CFAP97: variants seen among roughly 807,000 people sequenced by gnomAD.
CFAP97 encodes the protein cilia- and flagella-associated protein 97.
CFAP97 carries 36 observed loss-of-function variants against 43.1 expected under a neutral mutation model. That is an observed-to-expected ratio of 0.84 (90% CI 0.64 to 1.10). CFAP97 has a LOEUF of 1.10. Among genes scored for constraint, CFAP97 ranks in the 50% least tolerant of loss-of-function variants. The pLI is 0.00. For missense variants in CFAP97, 657 were observed against 620.3 expected (o/e 1.06, Z -0.63); for synonymous variants, 228 against 225.7 (o/e 1.01, Z -0.09).
At position 185,191,215 on chromosome 4, in the gene CFAP97, G is replaced by GA. The variant is rs34825796; in HGVS notation, c.-16-4dup. 697,995 of 1,369,820 alleles carry GA rather than the reference G, an allele frequency of 0.51. 167,369 individuals carry two copies. The highest frequency in any genetic ancestry group is 0.61 in the East Asian group (24,913 of 40,674). 84.9% of individuals were successfully genotyped at this position (1,369,820 alleles called of 1,614,324 possible). On this transcript the variant is annotated splice_region_variant and splice_polypyrimidine_tract_variant and intron_variant, in intron 1 of 4. Coordinates refer to ENST00000458385, the MANE Select transcript of CFAP97 (RefSeq NM_020827.3). ...GATCCATGATGGCAAAAATATATCT[G>GA]AAAAAAAAATGTAAACATCAGACTA...
intron 3 of CFAP97, among the ~76,000 whole-genome samples, chr4:185,165,979 CA>C (rs1735054806): frequency 6.6e-6 from 1 of 152,162 alleles, no homozygotes; most frequent in African/African-American, 2.4e-5. Context: ...GGCTTGGAGG[CA>C]AACAGCAGAG....
chr4:185,205,308 G>C (rs112396897), upstream of CFAP97, among the ~76,000 whole-genome samples: 19,393 of 152,146 alleles, frequency 0.13, 1,316 homozygotes, highest in African/African-American at 0.15. Flanking sequence ...ACAAAAATTA[G>C]CTGGGCGTGG....
At chr4:185,203,392 T>C (rs1181456384) in intron 1 of CFAP97, among the ~76,000 whole-genome samples, 1 of 152,130 alleles carries the variant, frequency 6.6e-6, no homozygotes, top group Non-Finnish European at 1.5e-5. Flanking sequence ...TGACAATACA[T>C]TTCTGTAGTT....
chr4:185,165,212 C>T (rs1431796645), intron 3 of CFAP97, among the ~76,000 whole-genome samples: 2 of 152,176 alleles, frequency 1.3e-5, no homozygotes, highest in African/African-American at 4.8e-5. Flanking sequence ...CTTTGGGGAG[C>T]CCGGGGCGGG....
chr4:185,185,632 C>T (rs548102380), intron 2 of CFAP97, among the ~76,000 whole-genome samples: 7 of 125,140 alleles, frequency 5.6e-5, no homozygotes, highest in Admixed American at 1.7e-4. Context: ...AATTTGCCAA[C>T]CTTTTTTTTT....
chr4:185,179,627 C>T (rs1425866894), intron 2 of CFAP97, among the ~76,000 whole-genome samples: 1 of 152,184 alleles, frequency 6.6e-6, no homozygotes. Flanking sequence ...GGCCTTCAGG[C>T]TGTACCAAGC....
At chr4:185,193,594 C>T (rs1054456243) in intron 1 of CFAP97, among the ~76,000 whole-genome samples, 1 of 151,820 alleles carries the variant, frequency 6.6e-6, no homozygotes, top group Non-Finnish European at 1.5e-5. Context: ...TGCAGTGCGC[C>T]GCGATCACGC....
intron 3 of CFAP97, among the ~76,000 whole-genome samples, chr4:185,171,585 ACTT>A (rs1232164775): frequency 2.6e-5 from 4 of 152,014 alleles, no homozygotes; most frequent in Non-Finnish European, 4.4e-5. Context: ...AAATAATCTC[ACTT>A]CTTCTTAGAG....
chr4:185,168,951 A>G (rs551260243), intron 3 of CFAP97: 2 of 152,140 alleles, frequency 1.3e-5, no homozygotes, highest in Non-Finnish European at 2.9e-5. Flanking sequence ...GTAATTATGT[A>G]TATTAACGTA....
chr4:185,193,066 C>T (rs1316095960), intron 1 of CFAP97, among the ~76,000 whole-genome samples: 1 of 151,962 alleles, frequency 6.6e-6, no homozygotes, highest in African/African-American at 2.4e-5. Context: ...ATACTATTCT[C>T]CACTAAAAAA....
chr4:185,174,247 T>A (rs8180154), intron 3 of CFAP97, among the ~76,000 whole-genome samples: 83,059 of 152,120 alleles, frequency 0.55, 23,297 homozygotes, highest in African/African-American at 0.69. Flanking sequence ...AGTAATCCCA[T>A]ATGTTTTTGA....
chr4:185,185,458 G>A (rs879527538), intron 2 of CFAP97, among the ~76,000 whole-genome samples: 1 of 152,050 alleles, frequency 6.6e-6, no homozygotes, highest in Admixed American at 6.6e-5. Flanking sequence ...AAGGAAAACA[G>A]TTGACAGTAT....
Position 185,203,957 on chromosome 4 carries a change from A to G in CFAP97, c.-76T>C, listed in dbSNP as rs1427713021. 6.6e-6 allele frequency: 1 copy of G among 151,080 alleles called. No individual in the cohort carries two copies. The highest frequency in any genetic ancestry group is 1.5e-5 in the Non-Finnish European group (1 of 67,718). 9.4% of individuals were successfully genotyped at this position (151,080 alleles called of 1,614,324 possible). A position where few individuals can be genotyped will look rare whatever the true frequency, so the allele number is the denominator to read the frequency against. On this transcript the variant is annotated 5_prime_UTR_variant, in exon 1 of 5. Transcript: ENST00000458385. ...CGCTGGCGCACTCCCGCGGCCCTGAACGGGCTCCCGGCGCCGCGCGCCCGC... is the reference window on the plus strand; with the variant it reads ...CGCTGGCGCACTCCCGCGGCCCTGAGCGGGCTCCCGGCGCCGCGCGCCCGC...
chr4:185,177,647 C>A (rs1735605476), intron 2 of CFAP97, among the ~76,000 whole-genome samples: 1 of 151,992 alleles, frequency 6.6e-6, no homozygotes, highest in Non-Finnish European at 1.5e-5. Flanking sequence ...CCAGCCTGGC[C>A]AACATGGCAA....
chr4:185,201,825 C>T (rs2111430013), intron 1 of CFAP97, among the ~76,000 whole-genome samples: 1 of 152,296 alleles, frequency 6.6e-6, no homozygotes, highest in East Asian at 1.9e-4. Flanking sequence ...AGGTCTAACC[C>T]TCCACCTGGT....
At chr4:185,208,538 G>A (rs937918624), upstream of CFAP97, among the ~76,000 whole-genome samples, 1 of 151,702 alleles carries the variant, frequency 6.6e-6, no homozygotes, top group Non-Finnish European at 1.5e-5. Flanking sequence ...GACCATCCTG[G>A]CTAATATGGT....
At chr4:185,180,335 T>C (rs1001438007) in intron 2 of CFAP97, among the ~76,000 whole-genome samples, 2 of 152,112 alleles carry the variant, frequency 1.3e-5, no homozygotes, top group Non-Finnish European at 2.9e-5. Flanking sequence ...ACCGAATACA[T>C]TCATATTGTG....
At chr4:185,180,740 A>G (rs1328389124) in intron 2 of CFAP97, among the ~76,000 whole-genome samples, 1 of 151,600 alleles carries the variant, frequency 6.6e-6, no homozygotes, top group Non-Finnish European at 1.5e-5. Context: ...GTTTTTTCTC[A>G]TTCTTTTCTA....
chr4:185,190,347 G>C lies in CFAP97; in HGVS notation c.850C>G (p.Gln284Glu). 2 of 1,604,168 alleles carry C rather than the reference G, an allele frequency of 1.2e-6. No individual in the cohort carries two copies. Among genetic ancestry groups the C allele is most frequent in the East Asian group, 2.2e-5 (1 of 44,734 alleles). The stretch of plus-strand genomic sequence containing the variant: ...TATATTTCTTGGCTCACATTTTCTT[G>C]CTTTTTAATTTTCACTTTTTGATCA... ...ANDQKVKIKK[Q>E]ENVSQEIYED... Residue 284 changes from glutamine to glutamate, a missense_variant, in exon 2 of 5, where the codon CAA becomes GAA. By Grantham distance (29) the Gln-to-Glu change is conservative. Coordinates refer to ENST00000458385, the MANE Select transcript of CFAP97 (RefSeq NM_020827.3).
Sources: gnomAD v4.1 joint callset for allele counts (sites outside exome capture counted in the v4.1 genomes callset) on GRCh38, gnomAD v4.1.1 for gene constraint, MANE v1.5 for transcripts, NCBI Gene and HGNC (gene_info 2026-07-23, HGNC 2026-07-21) for gene names.